Variants in ARHGAP20 observed in about 807,000 individuals in gnomAD.
ARHGAP20 encodes the protein Rho GTPase activating protein 20.
Under a neutral mutation model 73.7 loss-of-function variants are expected in ARHGAP20, and 34 were observed. That is an observed-to-expected ratio of 0.46 (90% CI 0.35 to 0.61). ARHGAP20 has a LOEUF of 0.61. Among genes scored for constraint, ARHGAP20 ranks in the 20% least tolerant of loss-of-function variants. ARHGAP20 has a pLI of 0.00. For missense variants in ARHGAP20, 1,314 were observed against 1,420.9 expected (o/e 0.92, Z 1.21); for synonymous variants, 523 against 518.2 (o/e 1.01, Z -0.13).
chr11:110,587,235 G>A (rs183826032), intron 11 of ARHGAP20, among the ~76,000 whole-genome samples: 31 of 152,212 alleles, frequency 2.0e-4, no homozygotes, highest in African/African-American at 6.7e-4. Context: ...TTTTGGTATG[G>A]CATTACCAAG....
At chr11:110,621,039 A>G (rs1948617279) in intron 4 of ARHGAP20, among the ~76,000 whole-genome samples, 1 of 134,844 alleles carries the variant, frequency 7.4e-6, no homozygotes, top group African/African-American at 2.8e-5. Context: ...ATGCTATTGC[A>G]CTACGGCTTG....
intron 3 of ARHGAP20, among the ~76,000 whole-genome samples, chr11:110,627,190 G>T (rs1054645373): frequency 9.2e-5 from 14 of 152,120 alleles, no homozygotes; most frequent in Admixed American, 9.2e-4. Flanking sequence ...TCAGGTTCAA[G>T]TGATTCTCGT....
intron 4 of ARHGAP20, among the ~76,000 whole-genome samples, chr11:110,622,907 TA>T (rs1270846132): frequency 2.6e-4 from 39 of 152,162 alleles, no homozygotes; most frequent in Non-Finnish European, 4.1e-4. Flanking sequence ...ATAATATAGG[TA>T]AAACTTCTTT....
At chr11:110,648,067 A>G (rs1300947345) in intron 2 of ARHGAP20, among the ~76,000 whole-genome samples, 2 of 150,584 alleles carry the variant, frequency 1.3e-5, no homozygotes, top group African/African-American at 4.9e-5. Context: ...AATAACTACC[A>G]AAAAGCCTAG....
At chr11:110,691,053 C>A in intron 1 of ARHGAP20, 1 of 1,457,540 alleles carries the variant, frequency 6.9e-7, no homozygotes, top group Non-Finnish European at 9.1e-7. Flanking sequence ...CAAGAAAAGA[C>A]AAGTAAAGGA....
chr11:110,628,805 CAAAAT>C (rs1188951299), intron 3 of ARHGAP20, among the ~76,000 whole-genome samples: 2 of 151,908 alleles, frequency 1.3e-5, no homozygotes, highest in Non-Finnish European at 2.9e-5. Flanking sequence ...AAGGGACAAT[CAAAAT>C]AAAAAGTCAG....
chr11:110,635,396 T>C (rs1306578276), intron 2 of ARHGAP20, among the ~76,000 whole-genome samples: 2 of 152,170 alleles, frequency 1.3e-5, no homozygotes, highest in Admixed American at 6.6e-5. Flanking sequence ...CTAATGCACA[T>C]TGAAGTTTGA....
chr11:110,671,865 G>T lies in ARHGAP20; in HGVS notation c.188+18682C>A, dbSNP rs114851965. On this transcript the variant is annotated intron_variant, in intron 2 of 14. Transcript: ENST00000683387. ...TATAGCCAATTGATTTTCTACAAAG[G>T]TTCCAGAGTGAAAACGTATGTACTT... 4.4e-3 allele frequency among the ~76,000 whole-genome samples: 677 copies of T among 152,180 alleles called. 2 individuals are homozygous for T. The highest frequency in any genetic ancestry group is 0.015 in the African/African-American group (644 of 41,556).
intron 1 of ARHGAP20, among the ~76,000 whole-genome samples, chr11:110,695,596 C>T (rs1286227706): frequency 6.6e-6 from 1 of 151,558 alleles, no homozygotes; most frequent in Non-Finnish European, 1.5e-5. Context: ...CATAATTAGC[C>T]ATCAGGGAAA....
chr11:110,593,149 T>C (rs1947870966), intron 9 of ARHGAP20, among the ~76,000 whole-genome samples: 1 of 152,128 alleles, frequency 6.6e-6, no homozygotes, highest in South Asian at 2.1e-4. Context: ...TAGTGAGTAC[T>C]CACTAAATTG....
At chr11:110,669,565 T>A (rs1411989087) in intron 2 of ARHGAP20, among the ~76,000 whole-genome samples, 1 of 151,832 alleles carries the variant, frequency 6.6e-6, no homozygotes, top group Non-Finnish European at 1.5e-5. Context: ...GAAAAGATGC[T>A]CAACATCATT....
intron 2 of ARHGAP20, among the ~76,000 whole-genome samples, chr11:110,687,237 AT>A (rs570602682): frequency 1.1e-4 from 17 of 148,046 alleles, no homozygotes; most frequent in Non-Finnish European, 1.4e-4. Context: ...TGCCCGGCTA[AT>A]TTTTTTTTTA....
intron 14 of ARHGAP20, among the ~76,000 whole-genome samples, chr11:110,581,832 G>C (rs574965902): frequency 6.6e-6 from 1 of 150,648 alleles, no homozygotes; most frequent in East Asian, 2.0e-4. Context: ...TTCGAATTCA[G>C]TGTTCCCCCA....
In ARHGAP20 at chr11:110,606,690, G is replaced by A. The variant is rs1254383183; in HGVS notation, c.835C>T (p.Pro279Ser). 1 of 1,602,818 alleles carries A rather than the reference G, an allele frequency of 6.2e-7. No individual in the cohort carries two copies. The highest frequency in any genetic ancestry group is 1.8e-5 in the Admixed American group (1 of 56,262). Residue 279 changes from proline (P) to serine (S), a missense_variant, in exon 9 of 15, where the codon CCG (proline) becomes TCG (serine). Around this residue, in one of 3 missense-constraint regions of ARHGAP20, gnomAD observed 443 missense variants for 466.4 expected, o/e 0.95. Transcript: ENST00000683387. The stretch of plus-strand genomic sequence containing the variant: ...GGGGTGGTAGAGTCCTTTGATCCCG[G>A]TGTCAGGAGTGCAGAGTCTCGAAGA... ...SHLRDSALLT[P>S]GSKDSTTPFN... is the part of the protein sequence containing the mutation.
chr11:110,690,844 A>G, intron 1 of ARHGAP20: 1 of 928,330 alleles, frequency 1.1e-6, no homozygotes, highest in African/African-American at 1.7e-5. Flanking sequence ...AAAAGCAATA[A>G]GTATTTTTTG....
chr11:110,699,200 T>C (rs1423340210), intron 1 of ARHGAP20, among the ~76,000 whole-genome samples: 1 of 151,946 alleles, frequency 6.6e-6, no homozygotes, highest in Non-Finnish European at 1.5e-5. Context: ...TTAGTTTCCA[T>C]GTAGTGTGTG....
intron 2 of ARHGAP20, among the ~76,000 whole-genome samples, chr11:110,644,628 T>C (rs562005313): frequency 3.4e-4 from 52 of 152,130 alleles, no homozygotes; most frequent in Admixed American, 9.2e-4. Flanking sequence ...CGTATCTATC[T>C]CCCTATAAAA....
chr11:110,615,425 T>G (rs1948461974), intron 5 of ARHGAP20, 128 bp downstream of exon 5: 1 of 762,840 alleles, frequency 1.3e-6, no homozygotes, highest in Admixed American at 2.9e-5. Context: ...AACGGCAGCT[T>G]ATTTAGAGGT....
At chr11:110,675,912 T>A (rs1180804629) in intron 2 of ARHGAP20, among the ~76,000 whole-genome samples, 1 of 152,204 alleles carries the variant, frequency 6.6e-6, no homozygotes, top group African/African-American at 2.4e-5. Flanking sequence ...AAATTTTTTT[T>A]CCTCCACCAG....
Sources: allele counts gnomAD v4.1 joint callset (sites outside exome capture counted in the v4.1 genomes callset), GRCh38; gene constraint gnomAD v4.1.1; regional missense constraint gnomAD v4.1.1; transcripts MANE v1.5; gene names NCBI Gene and HGNC (gene_info 2026-07-23, HGNC 2026-07-21).